Variants in FBXO27 observed in about 807,000 individuals in gnomAD.
FBXO27 encodes the protein F-box only protein 27.
A neutral mutation model predicts 28.3 loss-of-function variants in FBXO27; 28 were observed. The observed-to-expected ratio is 0.99, with a 90% CI of 0.73 to 1.36. The LOEUF is 1.36. Among genes scored for constraint, FBXO27 ranks in the 40% most tolerant of loss-of-function variants. The probability of loss-of-function intolerance (pLI) is 0.00; values close to 1 mark genes in which losing one functional copy is unlikely to be tolerated. For missense variants in FBXO27, 388 were observed against 394.1 expected (o/e 0.98, Z 0.13); for synonymous variants, 175 against 167.3 (o/e 1.05, Z -0.36).
At chr19:39,030,997 T>C (rs1352832583) in intron 4 of FBXO27, 32 bp downstream of exon 4, 4 of 1,578,868 alleles carry the variant, frequency 2.5e-6, no homozygotes, top group Non-Finnish European at 3.5e-6. Flanking sequence ...AGTCAGTGCT[T>C]AGCAAGGGGC....
rs560128340 is a variant in FBXO27, at chr19:39,031,210, T to A, written c.475A>T (p.Ser159Cys). 121 of 1,614,030 alleles carry A rather than the reference T, an allele frequency of 7.5e-5. No homozygotes were observed. The highest frequency in any genetic ancestry group is 1.0e-4 in the Non-Finnish European group (118 of 1,180,012). Residue 159 changes from serine to cysteine, a missense_variant and splice_region_variant, in exon 3 of 6, where the codon AGC becomes TGC. Physicochemically the swap from Ser to Cys is moderately radical, Grantham distance 112 (BLOSUM62 -1). Transcript: ENST00000292853. ...CCTTTGGATAGCAGGGGCATTCACC[T>A]GAATGAAGTCACGAAGCACGTCTGA... The part of the protein sequence containing the change: ...PSQTCFVTSF[S>C]WCCKKQVLDL...
chr19:39,011,943 C>T (rs2072796889), intron 2 of FBXO27, among the ~76,000 whole-genome samples: 1 of 151,574 alleles, frequency 6.6e-6, no homozygotes, highest in Non-Finnish European at 1.5e-5. Flanking sequence ...ATTCTCCTGC[C>T]TCAGCCTCCC....
chr19:39,026,224 G>A (rs1232504773), intron 5 of FBXO27, among the ~76,000 whole-genome samples: 2 of 152,068 alleles, frequency 1.3e-5, no homozygotes, highest in South Asian at 2.1e-4. Flanking sequence ...CCTAGGAGCC[G>A]CCATGGTGTG....
At chr19:39,009,363 G>A (rs778512143) in intron 2 of FBXO27, among the ~76,000 whole-genome samples, 1 of 152,200 alleles carries the variant, frequency 6.6e-6, no homozygotes, top group Non-Finnish European at 1.5e-5. Flanking sequence ...TTGAAGAAAT[G>A]ACAAACGGCT....
chr19:39,030,658 G>A (rs951359720), intron 4 of FBXO27: 7 of 203,178 alleles, frequency 3.4e-5, no homozygotes, highest in African/African-American at 7.1e-5. Context: ...TCACTCTGTC[G>A]TCCAGGCTGG....
At chr19:39,029,601 A>C (rs943705577) in intron 4 of FBXO27, among the ~76,000 whole-genome samples, 6 of 152,000 alleles carry the variant, frequency 3.9e-5, no homozygotes, top group Non-Finnish European at 7.4e-5. Context: ...GAATCATATG[A>C]TACTTCCCAC....
intron 2 of FBXO27, among the ~76,000 whole-genome samples, chr19:39,013,804 G>A (rs938598709): frequency 6.6e-6 from 1 of 151,904 alleles, no homozygotes; most frequent in African/African-American, 2.4e-5. Context: ...ACGAGGTCAG[G>A]AGATCGAGAC....
downstream of FBXO27, among the ~76,000 whole-genome samples, chr19:39,019,990 C>T (rs1308338204): frequency 2.0e-5 from 3 of 152,036 alleles, no homozygotes; most frequent in Admixed American, 6.6e-5. Flanking sequence ...TGATCTCAAG[C>T]GATTCTCCCC....
At chr19:39,023,537 C>T (rs937447763), downstream of FBXO27, among the ~76,000 whole-genome samples, 2 of 151,980 alleles carry the variant, frequency 1.3e-5, no homozygotes, top group South Asian at 4.1e-4. Flanking sequence ...GCTTTTCTTC[C>T]TCATTGTAGC....
At chr19:39,013,521 T>C (rs1183039161) in intron 2 of FBXO27, among the ~76,000 whole-genome samples, 1 of 151,536 alleles carries the variant, frequency 6.6e-6, no homozygotes, top group African/African-American at 2.4e-5. Context: ...TCCCAGCTAC[T>C]TGGGAGGCTG....
chr19:39,025,367 T>C lies in FBXO27; in HGVS notation c.*44A>G. 1 of 1,589,658 alleles carries C rather than the reference T, an allele frequency of 6.3e-7. No individual in the cohort carries two copies. Among genetic ancestry groups the C allele is most frequent in the South Asian group, 1.1e-5 (1 of 89,000 alleles). ...GGTCCCAGCCAATGGTCCCAGGCCC[T>C]GGAAGGCACAGTCAGGCTGTCTTGC... On this transcript the variant is annotated 3_prime_UTR_variant, in exon 6 of 6. Coordinates refer to ENST00000292853, the MANE Select transcript of FBXO27 (RefSeq NM_178820.5).
In FBXO27 at chr19:39,032,057, C is replaced by T; in HGVS notation, c.171G>A (p.Trp57Ter). 6.5e-7 allele frequency: 1 copy of T among 1,529,494 alleles called. No individual in the cohort carries two copies. The highest frequency in any genetic ancestry group is 2.7e-5 in the East Asian group (1 of 37,174). The allele number at this position is 1,529,494 out of a possible 1,614,324, so 94.7% of individuals were successfully genotyped here. A position where few individuals can be genotyped will look rare whatever the true frequency, so the allele number is the denominator to read the frequency against. ...GGGCCTGGCCGTCCACCAGGGCTCG[C>T]CAGCCCCGGCACACTTGGCGGCAGC... The part of the protein sequence containing the change: ...LGRCRQVCRG[W>*]RALVDGQALW... The change falls in exon 2 of 6, where the codon TGG becomes TGA. Residue 57 changes from tryptophan (W) to a stop codon, truncating the protein, a stop_gained. Transcript: ENST00000292853. LOFTEE classifies it high-confidence loss of function. This position sits in a 1 kb window ranked among gnomAD's most constrained non-coding sequence, Gnocchi z 4.7.
rs1384466715 is a variant in FBXO27 at position 39,015,787 on chromosome 19, T to C, written c.92-1240A>G. Among the ~76,000 whole-genome samples, 4 of 149,650 alleles carry C rather than the reference T, an allele frequency of 2.7e-5. No individual in the cohort carries two copies. In the East Asian group the frequency reaches 8.1e-4, roughly 30 times the overall value. On this transcript the variant is annotated intron_variant, in intron 1 of 2. Coordinates refer to the FBXO27 transcript ENST00000598394. The stretch of plus-strand genomic sequence containing the variant: ...TATGGAGTCAATATAAAATCAGTGG[T>C]CGGCCAGGCGAGGTGGCTCACGCCT...
chr19:39,019,863 T>C (rs2072837354), downstream of FBXO27, among the ~76,000 whole-genome samples: 1 of 152,122 alleles, frequency 6.6e-6, no homozygotes, highest in Non-Finnish European at 1.5e-5. Flanking sequence ...GCGATTCTAC[T>C]GCCTCAGTCT....
chr19:39,031,193 T>G lies in FBXO27; in HGVS notation c.476+16A>C, dbSNP rs1295141795. The G allele has an allele frequency of 1.2e-6, 2 of 1,613,780 alleles. No homozygotes were observed. Among genetic ancestry groups the G allele is most frequent in the Non-Finnish European group, 1.7e-6 (2 of 1,179,784 alleles). On this transcript the variant is annotated intron_variant, in intron 3 of 5. Transcript: ENST00000292853. ...CTCAACAAGGGGCCGGACCTTTGGA[T>G]AGCAGGGGCATTCACCTGAATGAAG...
chr19:39,016,371 T>C (rs1427305428), intron 1 of FBXO27, among the ~76,000 whole-genome samples: 2 of 151,778 alleles, frequency 1.3e-5, no homozygotes, highest in African/African-American at 4.8e-5. Flanking sequence ...TGTGTGTGTG[T>C]GTGTGCGTGA....
At chr19:39,010,377 T>A (rs1469496573) in intron 2 of FBXO27, among the ~76,000 whole-genome samples, 1 of 152,124 alleles carries the variant, frequency 6.6e-6, no homozygotes, top group Non-Finnish European at 1.5e-5. Context: ...TTTCCCCCAC[T>A]GAATGGTCTT....
chr19:39,012,018 A>G (rs951866482), intron 2 of FBXO27, among the ~76,000 whole-genome samples: 8 of 149,104 alleles, frequency 5.4e-5, no homozygotes, highest in African/African-American at 2.0e-4. Context: ...TTTTTTTGGT[A>G]GAGACGTGGT....
At chr19:39,022,290 C>T (rs899601938), downstream of FBXO27, among the ~76,000 whole-genome samples, 1 of 150,972 alleles carries the variant, frequency 6.6e-6, no homozygotes, top group Non-Finnish European at 1.5e-5. Flanking sequence ...ACACGCTCCC[C>T]CACCACACCC....
Sources: allele counts gnomAD v4.1 joint callset (sites outside exome capture counted in the v4.1 genomes callset), GRCh38; gene constraint gnomAD v4.1.1; non-coding constraint Gnocchi (gnomAD v3.1); transcripts MANE v1.5; gene names NCBI Gene and HGNC (gene_info 2026-07-23, HGNC 2026-07-21).